ADGRV1: variants seen among roughly 807,000 people sequenced by gnomAD.
The protein encoded by ADGRV1 is G-protein coupled receptor 98.
In ADGRV1, 359 loss-of-function variants were observed where a neutral mutation model predicts 596.2. The observed-to-expected ratio is 0.60, with a 90% CI of 0.55 to 0.66. The LOEUF (loss-of-function observed/expected upper bound fraction) is 0.66. Ranked by LOEUF, ADGRV1 falls within the 30% of genes least tolerant of loss-of-function variation. The pLI is 0.00. For synonymous variants in ADGRV1, 2,681 were observed against 2,679.2 expected (o/e 1.00, Z -0.02); for missense variants, 7,274 against 7,575.6 (o/e 0.96, Z 1.48).
In ADGRV1 at chr5:90,558,866, G is replaced by C. The variant is rs367934526; in HGVS notation, c.-30G>C. 3 of 1,560,116 alleles carry C rather than the reference G, an allele frequency of 1.9e-6. No homozygotes were observed. On this transcript the variant is annotated 5_prime_UTR_variant, in exon 1 of 90. Coordinates refer to ENST00000405460, the MANE Select transcript of ADGRV1 (RefSeq NM_032119.4). ...CAGAGGCAGAGCGAGGGTGTGTGGA[G>C]GGCCGGCGGGGACCGCCGGGAGCGC...
rs761463255 is a variant in ADGRV1, at chr5:90,694,479, G to A, written c.7723G>A (p.Asp2575Asn). The change falls in exon 33 of 90, where the codon GAT becomes AAT. Residue 2575 changes from aspartate to asparagine, a missense_variant. Physicochemically the swap from Asp to Asn is conservative, Grantham distance 23. Around this residue, in one of 5 missense-constraint regions of ADGRV1, gnomAD observed 3,643 missense variants for 3,809.2 expected, o/e 0.96. Coordinates refer to ENST00000405460, the MANE Select transcript of ADGRV1 (RefSeq NM_032119.4). ...ISTVVIALNG[D>N]AFGVFVIYNI... ...TACAGTTGTCATAGCACTAAATGGT[G>A]ATGCCTTTGGAGTGTTTGTGATCTA... 6.2e-7 allele frequency: 1 copy of A among 1,613,946 alleles called. No individual in the cohort carries two copies. The highest frequency in any genetic ancestry group is 2.2e-5 in the East Asian group (1 of 44,886).
At position 90,985,513 on chromosome 5, in the gene ADGRV1, A is replaced by G; in HGVS notation, c.18143A>G (p.His6048Arg). 6.2e-7 allele frequency: 1 copy of G among 1,613,504 alleles called. No homozygotes were observed. The highest frequency in any genetic ancestry group is 8.5e-7 in the Non-Finnish European group (1 of 1,179,468). ...QSMSQIYGLI[H>R]GDLCFIPNVY... ...ATGTCACAGATCTATGGACTCATTC[A>G]TGGTGACCTGTAAGTACACCCAGGC... Residue 6048 changes from histidine to arginine, a missense_variant, in exon 85 of 90, where the codon CAT becomes CGT. Transcript: ENST00000405460.
At position 90,696,976 on chromosome 5, in the gene ADGRV1, ACT is replaced by A; in HGVS notation, c.7988_7989del (p.Ser2663Ter). The A allele has an allele frequency of 6.2e-7, 1 of 1,612,680 alleles. No homozygotes were observed. Among genetic ancestry groups the A allele is most frequent in the Non-Finnish European group, 8.5e-7 (1 of 1,179,060 alleles). Reference sequence around the variant, plus strand: ...ACAGTCATTTTAACCATCTTGGATGACTCTGAACCAGAGGATGACGAAAGTAT... The same window carrying A: ...ACAGTCATTTTAACCATCTTGGATGACTGAACCAGAGGATGACGAAAGTAT... On this transcript the variant is annotated frameshift_variant, in exon 34 of 90. Coordinates refer to ENST00000405460, the MANE Select transcript of ADGRV1 (RefSeq NM_032119.4). LOFTEE classifies it high-confidence loss of function.
chr5:90,784,566 A>G (rs1759217498), intron 67 of ADGRV1, among the ~76,000 whole-genome samples: 1 of 152,134 alleles, frequency 6.6e-6, no homozygotes, highest in Non-Finnish European at 1.5e-5. Flanking sequence ...AAGAGGTTAG[A>G]AGGGTGAGCA....
rs374162286 is a variant in ADGRV1, at chr5:91,072,619, A to T, written c.18310+15A>T. 25 of 1,603,064 alleles carry T rather than the reference A, an allele frequency of 1.6e-5. No individual in the cohort carries two copies. The highest frequency in any genetic ancestry group is 4.0e-5 in the African/African-American group (3 of 74,532). ...AAATGCTGCAGGTTTGAAAGGAACT[A>T]TATTTGTACTTTGGAGATGGAAACG... On this transcript the variant is annotated intron_variant, in intron 86 of 89. Transcript: ENST00000405460.
chr5:90,749,278 A>T (rs997060850), intron 52 of ADGRV1, among the ~76,000 whole-genome samples: 1 of 152,222 alleles, frequency 6.6e-6, no homozygotes, highest in Non-Finnish European at 1.5e-5. Flanking sequence ...TCAAAATGAG[A>T]TATAGCAGAT....
At chr5:90,909,445 G>A (rs1218998207) in intron 83 of ADGRV1, among the ~76,000 whole-genome samples, 1 of 152,056 alleles carries the variant, frequency 6.6e-6, no homozygotes, top group Non-Finnish European at 1.5e-5. Flanking sequence ...CAGACTCTTG[G>A]CTGGTTAGTA....
intron 3 of ADGRV1, among the ~76,000 whole-genome samples, chr5:90,618,552 C>T (rs1299830387): frequency 6.6e-6 from 1 of 152,084 alleles, no homozygotes; most frequent in East Asian, 1.9e-4. Context: ...TTATGTTTTG[C>T]TCTTTTAAAT....
chr5:90,654,178 A>G, intron 20 of ADGRV1: 3 of 544,666 alleles, frequency 5.5e-6, no homozygotes, highest in Non-Finnish European at 9.8e-6. Context: ...CCTGGAATAA[A>G]CCCTAGCAGA....
chr5:90,993,197 C>G (rs1470525438), intron 85 of ADGRV1, among the ~76,000 whole-genome samples: 1 of 131,994 alleles, frequency 7.6e-6, no homozygotes, highest in Non-Finnish European at 1.5e-5. Flanking sequence ...CTTGCTCTGT[C>G]GCCCAGGCTG....
At chr5:91,066,804 AG>A (rs1463543697) in intron 85 of ADGRV1, among the ~76,000 whole-genome samples, 3 of 152,322 alleles carry the variant, frequency 2.0e-5, no homozygotes, top group Admixed American at 2.0e-4. Context: ...ATTGGGATGG[AG>A]TCCTGGCTGG....
At chr5:90,702,683 C>T (rs555118531) in intron 34 of ADGRV1, among the ~76,000 whole-genome samples, 1 of 151,820 alleles carries the variant, frequency 6.6e-6, no homozygotes, top group Non-Finnish European at 1.5e-5. Context: ...GAAGATATTA[C>T]TTATATACAC....
chr5:90,773,168 C>CA lies in ADGRV1; in HGVS notation c.12286-1002dup, dbSNP rs36098858. ...TGGGTGACAGAGTGAGACCCTGTCTCAAAAAAAAAAAAAAAATACATTGAG... is the reference window on the plus strand; with the variant it reads ...TGGGTGACAGAGTGAGACCCTGTCTCAAAAAAAAAAAAAAAAATACATTGAG... On this transcript the variant is annotated intron_variant, in intron 59 of 89. Transcript: ENST00000405460. Among the ~76,000 whole-genome samples, 415 of 133,454 alleles carry CA rather than the reference C, an allele frequency of 3.1e-3. 2 individuals are homozygous for CA. The highest frequency in any genetic ancestry group is 9.4e-3 in the East Asian group (43 of 4,576). The allele number at this position is 133,454 out of a possible 152,430, so 87.6% of individuals were successfully genotyped here.
intron 85 of ADGRV1, among the ~76,000 whole-genome samples, chr5:91,039,015 C>T (rs1240120771): frequency 6.6e-6 from 1 of 152,084 alleles, no homozygotes; most frequent in Non-Finnish European, 1.5e-5. Context: ...GAAAAGTATG[C>T]TCTTACTACC....
chr5:90,906,191 T>G (rs777372258), intron 83 of ADGRV1, among the ~76,000 whole-genome samples: 73 of 152,124 alleles, frequency 4.8e-4, no homozygotes, highest in Non-Finnish European at 9.3e-4. Context: ...GCATATATGT[T>G]TTTTGACATG....
chr5:90,932,265 T>C (rs920129992), intron 83 of ADGRV1, among the ~76,000 whole-genome samples: 2 of 152,186 alleles, frequency 1.3e-5, no homozygotes, highest in African/African-American at 4.8e-5. Flanking sequence ...CTTTTCCATC[T>C]CATCACGTCT....
chr5:91,041,512 G>T lies in ADGRV1; in HGVS notation c.18153-30935G>T, dbSNP rs756593238. Among the ~76,000 whole-genome samples the T allele has an allele frequency of 2.6e-5, 4 of 151,544 alleles. 1 individual carries two copies. The Admixed American group carries it at 2.7e-4, about 10-fold the overall frequency. ...GGGGTGGGGAGCTAGGGGAGGGATA[G>T]CATTAGGAGAAATACCTAATGTAGA... On this transcript the variant is annotated intron_variant, in intron 85 of 89. Transcript: ENST00000405460.
At chr5:90,584,048 G>A (rs993917924) in intron 1 of ADGRV1, among the ~76,000 whole-genome samples, 52 of 152,248 alleles carry the variant, frequency 3.4e-4, no homozygotes, top group African/African-American at 1.1e-3. Context: ...GTAATTTGGC[G>A]AATATATTTA....
intron 85 of ADGRV1, among the ~76,000 whole-genome samples, chr5:90,996,852 T>C (rs1015047461): frequency 2.0e-5 from 3 of 152,194 alleles, no homozygotes; most frequent in Admixed American, 1.3e-4. Flanking sequence ...AGAGATTATT[T>C]TGGAGCTTTA....
Sources: allele counts gnomAD v4.1 joint callset (sites outside exome capture counted in the v4.1 genomes callset), GRCh38; gene constraint gnomAD v4.1.1; regional missense constraint gnomAD v4.1.1; transcripts MANE v1.5; gene names NCBI Gene and HGNC (gene_info 2026-07-23, HGNC 2026-07-21).